Variants in NEK7 observed in about 807,000 individuals in gnomAD.
The protein encoded by NEK7 is serine/threonine-protein kinase Nek7.
In NEK7, 18 loss-of-function variants were observed where a neutral mutation model predicts 44.6. That is an observed-to-expected ratio of 0.40 (90% CI 0.28 to 0.60). NEK7 has a LOEUF of 0.60. NEK7 is among the 20% of genes least tolerant of loss of function. NEK7 has a pLI of 0.38. For synonymous variants in NEK7, 130 were observed against 121.1 expected (o/e 1.07, Z -0.48); for missense variants, 256 against 366.5 (o/e 0.70, Z 2.46).
At position 198,319,597 on chromosome 1, in the gene NEK7, C is replaced by G. The variant is rs1363781017; in HGVS notation, c.*75C>G. 1 of 1,440,488 alleles carries G rather than the reference C, an allele frequency of 6.9e-7. No homozygotes were observed. Among genetic ancestry groups the G allele is most frequent in the African/African-American group, 1.4e-5 (1 of 70,450 alleles). The allele number at this position is 1,440,488 out of a possible 1,614,324, so 89.2% of individuals were successfully genotyped here. A position where few individuals can be genotyped will look rare whatever the true frequency, so the allele number is the denominator to read the frequency against. ...GCAAGTCATACCTCCCCATTTATGTCTGGTGTTAAGATTAATATTTCAGAG... is the reference window on the plus strand; with the variant it reads ...GCAAGTCATACCTCCCCATTTATGTGTGGTGTTAAGATTAATATTTCAGAG... On this transcript the variant is annotated 3_prime_UTR_variant, in exon 10 of 10. Transcript: ENST00000367385.
intron 9 of NEK7, among the ~76,000 whole-genome samples, chr1:198,301,270 G>A (rs1654872445): frequency 6.6e-6 from 1 of 152,220 alleles, no homozygotes. Flanking sequence ...ACATTTATGG[G>A]CCGGGCGCTG....
At position 198,236,879 on chromosome 1, in the gene NEK7, G is replaced by A. The variant is rs543632578; in HGVS notation, c.57+4242G>A. On this transcript the variant is annotated intron_variant, in intron 2 of 9. Coordinates refer to ENST00000367385, the MANE Select transcript of NEK7 (RefSeq NM_133494.3). ...CTTCGAGTTGTTAACCTATTTCTCC[G>A]CTCCCTTTTATAGCAAAGTTCCCAG... Among the ~76,000 whole-genome samples the A allele has an allele frequency of 5.3e-5, 8 of 152,088 alleles. 1 individual carries two copies. Among genetic ancestry groups the A allele is most frequent in the Admixed American group, 3.3e-4 (5 of 15,274 alleles).
At chr1:198,160,733 A>G (rs1453473447) in intron 1 of NEK7, among the ~76,000 whole-genome samples, 2 of 152,218 alleles carry the variant, frequency 1.3e-5, no homozygotes, top group East Asian at 3.8e-4. Context: ...ACATTTGGTT[A>G]CATAATTGTA....
At chr1:198,316,473 A>C (rs1164383268) in intron 9 of NEK7, among the ~76,000 whole-genome samples, 1 of 152,226 alleles carries the variant, frequency 6.6e-6, no homozygotes, top group Non-Finnish European at 1.5e-5. Context: ...TACGAGGTGC[A>C]ACAACTCATA....
At chr1:198,280,940 T>C (rs1654176502) in intron 7 of NEK7, among the ~76,000 whole-genome samples, 1 of 151,696 alleles carries the variant, frequency 6.6e-6, no homozygotes, top group Non-Finnish European at 1.5e-5. Flanking sequence ...TTTTTTGTTT[T>C]ACATATTATT....
intron 1 of NEK7, among the ~76,000 whole-genome samples, chr1:198,231,035 G>A (rs1666372964): frequency 6.6e-6 from 1 of 151,462 alleles, no homozygotes; most frequent in African/African-American, 2.4e-5. Context: ...TGTTTTTTTA[G>A]AAAATCGAAA....
At chr1:198,203,678 T>G (rs1350977068) in intron 1 of NEK7, among the ~76,000 whole-genome samples, 1 of 152,124 alleles carries the variant, frequency 6.6e-6, no homozygotes, top group Non-Finnish European at 1.5e-5. Flanking sequence ...CACTTCCTAG[T>G]CAGTAAAAAC....
intron 1 of NEK7, among the ~76,000 whole-genome samples, chr1:198,223,754 T>C (rs897783291): frequency 6.6e-6 from 1 of 152,224 alleles, no homozygotes; most frequent in Admixed American, 6.5e-5. Context: ...TATTCATCAG[T>C]ATGACCTTGA....
intron 3 of NEK7, among the ~76,000 whole-genome samples, chr1:198,260,852 G>A (rs147601647): frequency 2.6e-5 from 4 of 151,980 alleles, no homozygotes; most frequent in Admixed American, 6.6e-5. Flanking sequence ...AAGCACATGC[G>A]TTTGTACAAG....
At chr1:198,185,803 T>C (rs1200197800) in intron 1 of NEK7, among the ~76,000 whole-genome samples, 1 of 152,116 alleles carries the variant, frequency 6.6e-6, no homozygotes, top group Admixed American at 6.5e-5. Flanking sequence ...TTTATTAAAA[T>C]TGACAGAAGA....
chr1:198,173,039 G>A (rs893474207), intron 1 of NEK7, among the ~76,000 whole-genome samples: 3 of 152,154 alleles, frequency 2.0e-5, no homozygotes, highest in Non-Finnish European at 4.4e-5. Flanking sequence ...GCCTGGAGTA[G>A]AGCTCTGGTG....
intron 1 of NEK7, among the ~76,000 whole-genome samples, chr1:198,164,410 T>C (rs986474387): frequency 6.6e-6 from 1 of 152,136 alleles, no homozygotes; most frequent in Admixed American, 6.5e-5. Flanking sequence ...CCTATTGTGG[T>C]CCAGGAAACA....
chr1:198,220,344 A>C (rs563808314), intron 1 of NEK7, among the ~76,000 whole-genome samples: 1 of 151,936 alleles, frequency 6.6e-6, no homozygotes, highest in South Asian at 2.1e-4. Context: ...AGAACCAATC[A>C]TCTCTCCAAA....
At chr1:198,206,338 T>C (rs1164419083) in intron 1 of NEK7, among the ~76,000 whole-genome samples, 1 of 152,170 alleles carries the variant, frequency 6.6e-6, no homozygotes, top group Non-Finnish European at 1.5e-5. Context: ...TGTGCTCATT[T>C]CGTTTTTGGG....
In NEK7 at chr1:198,241,971, T is replaced by C. The variant is rs746578789; in HGVS notation, c.57+9334T>C. Among the ~76,000 whole-genome samples the C allele has an allele frequency of 3.3e-5, 5 of 152,176 alleles. No individual in the cohort carries two copies. In the South Asian group the frequency reaches 6.2e-4, roughly 19 times the overall value. On this transcript the variant is annotated intron_variant, in intron 2 of 9. Coordinates refer to ENST00000367385, the MANE Select transcript of NEK7 (RefSeq NM_133494.3). ...TATCTTTTATTACATCTTTATTACCTATTTTCTGCCTAGATGGCTTCTCCT... is the reference window on the plus strand; with the variant it reads ...TATCTTTTATTACATCTTTATTACCCATTTTCTGCCTAGATGGCTTCTCCT...
intron 1 of NEK7, among the ~76,000 whole-genome samples, chr1:198,209,589 C>T (rs1236468207): frequency 2.0e-5 from 3 of 152,076 alleles, no homozygotes; most frequent in Admixed American, 6.6e-5. Context: ...CTTAGTTTTT[C>T]ATTTCACATT....
intron 1 of NEK7, among the ~76,000 whole-genome samples, chr1:198,189,203 G>T (rs538686625): frequency 2.7e-4 from 41 of 152,056 alleles, no homozygotes; most frequent in Non-Finnish European, 4.4e-4. Flanking sequence ...GTGTCATATA[G>T]GAAAAGAAAG....
chr1:198,174,376 A>G (rs1466582298), intron 1 of NEK7, among the ~76,000 whole-genome samples: 1 of 152,090 alleles, frequency 6.6e-6, no homozygotes, highest in Non-Finnish European at 1.5e-5. Context: ...TTGGTAAAAA[A>G]AAAAATCTCA....
intron 2 of NEK7, among the ~76,000 whole-genome samples, chr1:198,238,703 G>A (rs1011751071): frequency 7.9e-5 from 12 of 152,104 alleles, no homozygotes; most frequent in African/African-American, 1.7e-4. Context: ...CTTGTCCATC[G>A]TCACATAGCT....
Sources: gnomAD v4.1 joint callset for allele counts (sites outside exome capture counted in the v4.1 genomes callset) on GRCh38, gnomAD v4.1.1 for gene constraint, MANE v1.5 for transcripts, NCBI Gene and HGNC (gene_info 2026-07-23, HGNC 2026-07-21) for gene names.